Variants in MTSS1 observed in about 807,000 individuals in gnomAD.
MTSS1 encodes protein MTSS 1.
A neutral mutation model predicts 79.0 loss-of-function variants in MTSS1; 18 were observed. The observed-to-expected ratio is 0.23, with a 90% CI of 0.16 to 0.34. The LOEUF is 0.34. Among genes scored for constraint, MTSS1 ranks in the 10% least tolerant of loss-of-function variants. The pLI is 1.00. For synonymous variants in MTSS1, 341 were observed against 368.6 expected (o/e 0.93, Z 0.86); for missense variants, 815 against 986.2 (o/e 0.83, Z 2.33).
At chr8:124,571,023 A>C (rs755483571) in intron 6 of MTSS1, among the ~76,000 whole-genome samples, 3 of 152,146 alleles carry the variant, frequency 2.0e-5, no homozygotes, top group Non-Finnish European at 4.4e-5. Context: ...CCATGTAGTC[A>C]CTACCTCCAC....
At position 124,727,508 on chromosome 8, in the gene MTSS1, A is replaced by C. The variant is rs891542; in HGVS notation, c.72+376T>G. ...CCAGGCGCCCCCACCCCGTGCCCGG[A>C]GGAATCAGGTGTCCTCCCGGGCATC... On this transcript the variant is annotated intron_variant, in intron 1 of 13. Coordinates refer to ENST00000518547, the MANE Select transcript of MTSS1 (RefSeq NM_014751.6). This position sits in a 1 kb window ranked among gnomAD's most constrained non-coding sequence, Gnocchi z 4.7. The C allele has an allele frequency of 2.2e-6, 1 of 461,766 alleles. No individual in the cohort carries two copies. The highest frequency in any genetic ancestry group is 4.3e-6 in the Non-Finnish European group (1 of 231,864). The allele number at this position is 461,766 out of a possible 1,614,324, so 28.6% of individuals were successfully genotyped here.
intron 3 of MTSS1, among the ~76,000 whole-genome samples, chr8:124,665,932 G>A (rs1165395995): frequency 3.3e-5 from 5 of 151,286 alleles, no homozygotes; most frequent in African/African-American, 9.7e-5. Context: ...CCACTCTACT[G>A]CTGATGAGTC....
intron 3 of MTSS1, among the ~76,000 whole-genome samples, chr8:124,620,323 T>A (rs142050439): frequency 6.6e-6 from 1 of 152,264 alleles, no homozygotes; most frequent in Non-Finnish European, 1.5e-5. Flanking sequence ...AAGTTAGCAG[T>A]TGGGGCTTCA....
chr8:124,672,493 CA>C (rs113964635), intron 3 of MTSS1, among the ~76,000 whole-genome samples: 3,968 of 131,776 alleles, frequency 0.03, 152 homozygotes, highest in African/African-American at 0.1. Flanking sequence ...GACTCTGCCT[CA>C]AAAAAAAAAA....
chr8:124,602,207 A>ATACACACACACACAT, intron 3 of MTSS1, among the ~76,000 whole-genome samples: 1 of 142,224 alleles, frequency 7.0e-6, no homozygotes, highest in Non-Finnish European at 1.5e-5. Context: ...ATATATATAT[A>ATACACACACACACAT]ATTTTTTTTT....
chr8:124,718,885 C>G (rs2135756365), intron 1 of MTSS1, among the ~76,000 whole-genome samples: 1 of 152,312 alleles, frequency 6.6e-6, no homozygotes, highest in African/African-American at 2.4e-5. Flanking sequence ...CCTGGCCCAA[C>G]AACTTCATGT....
intron 3 of MTSS1, among the ~76,000 whole-genome samples, chr8:124,661,688 C>G (rs1026179130): frequency 1.3e-5 from 2 of 152,184 alleles, no homozygotes; most frequent in African/African-American, 2.4e-5. Flanking sequence ...GCTACAAACA[C>G]CACCCCTCAA....
chr8:124,624,017 T>G (rs1458778063), intron 3 of MTSS1, among the ~76,000 whole-genome samples: 1 of 152,226 alleles, frequency 6.6e-6, no homozygotes, highest in East Asian at 1.9e-4. Context: ...CCTCCTTTCT[T>G]GTCAGCTCAT....
At chr8:124,645,515 T>G (rs1818849238) in intron 3 of MTSS1, among the ~76,000 whole-genome samples, 1 of 152,190 alleles carries the variant, frequency 6.6e-6, no homozygotes, top group Non-Finnish European at 1.5e-5. Flanking sequence ...CTCAAATTAT[T>G]CTTCCCACGA....
Position 124,689,007 on chromosome 8 carries a change from T to G in MTSS1, c.208+10519A>C, listed in dbSNP as rs1587820077. Among the ~76,000 whole-genome samples, 3 of 152,050 alleles carry G rather than the reference T, an allele frequency of 2.0e-5. No individual in the cohort carries two copies. The East Asian group carries it at 5.8e-4, about 29-fold the overall frequency. Reference sequence around the variant, plus strand: ...TCCTTTAAAAAAAAAAACTTCCAAGTAGTTCTCACTTTAAGCTTTCTTGAA... The same window carrying G: ...TCCTTTAAAAAAAAAAACTTCCAAGGAGTTCTCACTTTAAGCTTTCTTGAA... On this transcript the variant is annotated intron_variant, in intron 3 of 13. Coordinates refer to ENST00000518547, the MANE Select transcript of MTSS1 (RefSeq NM_014751.6).
At chr8:124,723,822 C>T (rs1029107162) in intron 1 of MTSS1, among the ~76,000 whole-genome samples, 3 of 152,192 alleles carry the variant, frequency 2.0e-5, no homozygotes, top group Admixed American at 2.0e-4. Context: ...GTGGCTGTCA[C>T]CGTTTATAGG....
At chr8:124,570,352 C>T (rs929750215) in intron 6 of MTSS1, among the ~76,000 whole-genome samples, 4 of 152,132 alleles carry the variant, frequency 2.6e-5, no homozygotes, top group South Asian at 2.1e-4. Flanking sequence ...TGCTACCCAA[C>T]GATTATACTA....
intron 3 of MTSS1, chr8:124,619,415 C>G (rs1218748707): frequency 6.6e-6 from 1 of 152,488 alleles, no homozygotes; most frequent in Non-Finnish European, 1.5e-5. Flanking sequence ...CTAAACCAGA[C>G]CCCTGTGCCC....
At chr8:124,685,768 G>A (rs1186479678) in intron 3 of MTSS1, among the ~76,000 whole-genome samples, 1 of 152,128 alleles carries the variant, frequency 6.6e-6, no homozygotes, top group African/African-American at 2.4e-5. Flanking sequence ...TAAAATATTT[G>A]TTTAAAATAA....
chr8:124,557,975 A>G, intron 10 of MTSS1, 100 bp from the exon 11 acceptor site: 1 of 878,940 alleles, frequency 1.1e-6, no homozygotes, highest in Non-Finnish European at 1.7e-6. Flanking sequence ...GGGAGGGGAA[A>G]CCTGAATATT....
In MTSS1 at chr8:124,552,901, C is replaced by G. The variant is rs547867396; in HGVS notation, c.*91G>C. ...CTATATTCCGAGTTGCCTACAAAAT[C>G]TTTTGTTTTATTATAGAGTGGAATG... On this transcript the variant is annotated 3_prime_UTR_variant, in exon 14 of 14. Transcript: ENST00000518547. 1 of 1,351,922 alleles carries G rather than the reference C, an allele frequency of 7.4e-7. No individual in the cohort carries two copies. Among genetic ancestry groups the G allele is most frequent in the Admixed American group, 2.3e-5 (1 of 42,606 alleles). The allele number at this position is 1,351,922 out of a possible 1,614,324, so 83.7% of individuals were successfully genotyped here.
chr8:124,693,349 C>G (rs887650635), intron 3 of MTSS1, among the ~76,000 whole-genome samples: 1 of 152,134 alleles, frequency 6.6e-6, no homozygotes, highest in Non-Finnish European at 1.5e-5. Context: ...TCCTGGAAAG[C>G]TTTTCAAAAT....
chr8:124,684,323 C>T (rs1359385280), intron 3 of MTSS1, among the ~76,000 whole-genome samples: 1 of 152,076 alleles, frequency 6.6e-6, no homozygotes, highest in Non-Finnish European at 1.5e-5. Flanking sequence ...TTGTCCATGC[C>T]AGAAGGAAAA....
At chr8:124,589,830 AC>A in intron 4 of MTSS1, 119 bp from the exon 5 acceptor site, 1 of 705,216 alleles carries the variant, frequency 1.4e-6, no homozygotes. Flanking sequence ...TCTCATCTAA[AC>A]CCCGGGGCTC....
Sources: gnomAD v4.1 joint callset for allele counts (sites outside exome capture counted in the v4.1 genomes callset) on GRCh38, gnomAD v4.1.1 for gene constraint, Gnocchi (gnomAD v3.1) non-coding constraint, MANE v1.5 for transcripts, NCBI Gene and HGNC (gene_info 2026-07-23, HGNC 2026-07-21) for gene names.